The following KDM3B variants were observed in gnomAD, a reference collection of about 807,000 sequenced individuals.
KDM3B encodes the protein lysine-specific demethylase 3B.
A neutral mutation model predicts 170.0 loss-of-function variants in KDM3B; 10 were observed. The observed-to-expected ratio is 0.06, with a 90% CI of 0.04 to 0.10. The LOEUF (loss-of-function observed/expected upper bound fraction) is 0.10, where lower values mean the gene tolerates loss of function less well. KDM3B is among the 10% of genes least tolerant of loss of function. The probability of loss-of-function intolerance (pLI) is 1.00; values close to 1 mark genes in which losing one functional copy is unlikely to be tolerated. For synonymous variants in KDM3B, 831 were observed against 834.8 expected (o/e 1.00, Z 0.08); for missense variants, 1,394 against 2,195.2 (o/e 0.64, Z 7.29).
At chr5:138,378,427 T>C (rs2126930198) in intron 4 of KDM3B, among the ~76,000 whole-genome samples, 1 of 152,326 alleles carries the variant, frequency 6.6e-6, no homozygotes, top group Admixed American at 6.5e-5. Flanking sequence ...CATTAAAAGC[T>C]TGTTGTTTTT....
chr5:138,389,569 C>T (rs1459427539), intron 7 of KDM3B, among the ~76,000 whole-genome samples: 4 of 151,984 alleles, frequency 2.6e-5, no homozygotes, highest in Non-Finnish European at 5.9e-5. Context: ...AATTTCATCA[C>T]CCCAAAAGGA....
Position 138,352,944 on chromosome 5 carries a change from G to A in KDM3B, c.149G>A (p.Gly50Asp), listed in dbSNP as rs1246543119. 3 of 1,294,408 alleles carry A rather than the reference G, an allele frequency of 2.3e-6. No individual in the cohort carries two copies. The highest frequency in any genetic ancestry group is 2.3e-5 in the South Asian group (1 of 42,860). 80.2% of individuals were successfully genotyped at this position (1,294,408 alleles called of 1,614,324 possible). ...CTGCGCACTCGAGCCTGGCGGGCCG[G>A]CACGGTGCGGGCCATGAGCGGGGCG... ...PALRTRAWRA[G>D]TVRAMSGAVP... The change falls in exon 1 of 24, where the codon GGC becomes GAC. Residue 50 changes from glycine (G) to aspartate (D), a missense_variant. Transcript: ENST00000314358.
chr5:138,353,549 A>G (rs1013576393), intron 1 of KDM3B, among the ~76,000 whole-genome samples: 13 of 152,106 alleles, frequency 8.5e-5, no homozygotes, highest in African/African-American at 3.1e-4. Context: ...CGGTCTCCAG[A>G]AAGGCCAGCT....
At position 138,415,435 on chromosome 5, in the gene KDM3B, A is replaced by G. The variant is rs545809806; in HGVS notation, c.3307+196A>G. Among the ~76,000 whole-genome samples the G allele has an allele frequency of 4.9e-4, 75 of 152,012 alleles. No individual in the cohort carries two copies. The South Asian group carries it at 0.015, about 30-fold the overall frequency. ...AAGAGACCCTTCTGTATTATTGAAG[A>G]GACACTTCTGTATTATTATTGAAGA... On this transcript the variant is annotated intron_variant, in intron 12 of 23. Transcript: ENST00000314358.
At chr5:138,384,362 G>A (rs949208129) in intron 6 of KDM3B, among the ~76,000 whole-genome samples, 1 of 152,182 alleles carries the variant, frequency 6.6e-6, no homozygotes, top group African/African-American at 2.4e-5. Flanking sequence ...CACTTTGGGA[G>A]GCCGAGGTGG....
chr5:138,358,493 A>G (rs1761514363), intron 1 of KDM3B, among the ~76,000 whole-genome samples: 1 of 149,974 alleles, frequency 6.7e-6, no homozygotes, highest in Non-Finnish European at 1.5e-5. Context: ...ATTAGTAGAG[A>G]CGGGGTTTCG....
chr5:138,371,454 C>CA (rs747631161), intron 1 of KDM3B, among the ~76,000 whole-genome samples: 2,198 of 56,436 alleles, frequency 0.039, 40 homozygotes, highest in African/African-American at 0.098. Context: ...GACCCTGTCT[C>CA]AAAAAAAAAA....
Position 138,419,371 on chromosome 5 carries a change from C to T in KDM3B, c.3715+139C>T, listed in dbSNP as rs1454559217. On this transcript the variant is annotated intron_variant, in intron 14 of 23. Coordinates refer to ENST00000314358, the MANE Select transcript of KDM3B (RefSeq NM_016604.4). ...TCTGGCTAATCACATGAGGGACTGC[C>T]GGGGCCTGGCGTGGTGGCTCACGCG... The T allele has an allele frequency of 1.7e-5, 19 of 1,092,468 alleles. No individual in the cohort carries two copies. In the Admixed American group the frequency reaches 3.1e-4, roughly 18 times the overall value. 67.7% of individuals were successfully genotyped at this position (1,092,468 alleles called of 1,614,324 possible). A position where few individuals can be genotyped will look rare whatever the true frequency, so the allele number is the denominator to read the frequency against.
chr5:138,365,580 A>G (rs1761724003), intron 1 of KDM3B, among the ~76,000 whole-genome samples: 1 of 151,956 alleles, frequency 6.6e-6, no homozygotes, highest in African/African-American at 2.4e-5. Context: ...TTATTGGCTT[A>G]GGTCTTTTAA....
chr5:138,427,514 C>T (rs1763427329), intron 19 of KDM3B, among the ~76,000 whole-genome samples, 195 bp downstream of exon 19: 1 of 152,152 alleles, frequency 6.6e-6, no homozygotes, highest in Admixed American at 6.5e-5. Flanking sequence ...TGGGCCCAGA[C>T]CATAAGCTTA....
chr5:138,355,002 G>A (rs980181204), intron 1 of KDM3B, among the ~76,000 whole-genome samples: 21 of 152,254 alleles, frequency 1.4e-4, no homozygotes, highest in African/African-American at 5.1e-4. Flanking sequence ...AGAATGGGCC[G>A]TTTTCTTTTT....
chr5:138,419,348 T>G, intron 14 of KDM3B, 116 bp downstream of exon 14: 4 of 1,267,548 alleles, frequency 3.2e-6, no homozygotes, highest in Non-Finnish European at 4.3e-6. Context: ...TTACTTTCTC[T>G]GGCTAATCAC....
At chr5:138,430,976 A>G (rs1406144138) in intron 22 of KDM3B, among the ~76,000 whole-genome samples, 1 of 152,226 alleles carries the variant, frequency 6.6e-6, no homozygotes, top group Non-Finnish European at 1.5e-5. Flanking sequence ...TCTTCTTATC[A>G]ATCCCCTTAT....
chr5:138,360,812 G>T (rs975458488), intron 1 of KDM3B, among the ~76,000 whole-genome samples: 39 of 152,154 alleles, frequency 2.6e-4, no homozygotes, highest in African/African-American at 6.0e-4. Flanking sequence ...GGCTGGTCTC[G>T]AACTCCTGAC....
chr5:138,379,553 A>C (rs1246429268), intron 4 of KDM3B, 31 bp from the exon 5 acceptor site: 4 of 1,569,588 alleles, frequency 2.5e-6, no homozygotes, highest in African/African-American at 1.4e-5. Context: ...CTTAGCCAAA[A>C]ATACTCAATA....
At chr5:138,395,715 C>T (rs557521103) in intron 9 of KDM3B, among the ~76,000 whole-genome samples, 1 of 152,122 alleles carries the variant, frequency 6.6e-6, no homozygotes, top group African/African-American at 2.4e-5. Flanking sequence ...CTCCTGGGTT[C>T]AAGCGATTCT....
chr5:138,398,741 T>C (rs1561778298), intron 10 of KDM3B, among the ~76,000 whole-genome samples: 1 of 152,182 alleles, frequency 6.6e-6, no homozygotes, highest in Non-Finnish European at 1.5e-5. Flanking sequence ...CTGTGGTTTG[T>C]AAATAGATGG....
chr5:138,379,768 A>G, intron 5 of KDM3B, 60 bp downstream of exon 5: 2 of 1,501,202 alleles, frequency 1.3e-6, no homozygotes. Flanking sequence ...GATGGTTTAG[A>G]TAGGCGAGCA....
rs772059041 is a variant in KDM3B at position 138,415,269 on chromosome 5, G to A, written c.3307+30G>A. ...GGAAATTCCTTTTTTAGATTTGGTG[G>A]AAGAAATGTTTTTAGTTGAGATAGC... On this transcript the variant is annotated intron_variant, in intron 12 of 23. Transcript: ENST00000314358. 4.1e-5 allele frequency: 60 copies of A among 1,480,590 alleles called. No individual in the cohort carries two copies. The African/African-American group carries it at 5.8e-4, about 14-fold the overall frequency. 91.7% of individuals were successfully genotyped at this position (1,480,590 alleles called of 1,614,324 possible).
Sources: gnomAD v4.1 joint callset for allele counts (sites outside exome capture counted in the v4.1 genomes callset) on GRCh38, gnomAD v4.1.1 for gene constraint, MANE v1.5 for transcripts, NCBI Gene and HGNC (gene_info 2026-07-23, HGNC 2026-07-21) for gene names.